The following PIK3R6 variants were observed in gnomAD, a reference collection of about 807,000 sequenced individuals.
PIK3R6 encodes the protein phosphoinositide 3-kinase regulatory subunit 6.
PIK3R6 carries 91 observed loss-of-function variants against 84.9 expected under a neutral mutation model. The observed-to-expected ratio is 1.07, with a 90% CI of 0.90 to 1.28. The LOEUF is 1.28. Among genes scored for constraint, PIK3R6 ranks in the 50% most tolerant of loss-of-function variants. The pLI is 0.00. For missense variants in PIK3R6, 996 were observed against 985.1 expected (o/e 1.01, Z -0.15); for synonymous variants, 416 against 411.4 (o/e 1.01, Z -0.13).
chr17:8,829,890 G>GTCCCTGCCACCTCTCTAA, intron 9 of PIK3R6, 98 bp from the exon 10 acceptor site: 4 of 925,284 alleles, frequency 4.3e-6, no homozygotes, highest in Non-Finnish European at 6.4e-6. Context: ...GTCTTAGAGA[G>GTCCCTGCCACCTCTCTAA]GTGGCAGGGA....
chr17:8,816,691 T>G (rs954583528), intron 18 of PIK3R6, among the ~76,000 whole-genome samples: 8 of 152,198 alleles, frequency 5.3e-5, no homozygotes, highest in African/African-American at 1.9e-4. Context: ...GTATTCAATT[T>G]CACTAATTGG....
chr17:8,828,268 C>T, intron 11 of PIK3R6, 78 bp from the exon 12 acceptor site: 1 of 1,457,618 alleles, frequency 6.9e-7, no homozygotes, highest in African/African-American at 1.4e-5. Flanking sequence ...TATTTGTTAT[C>T]TCTTGACCTT....
intron 8 of PIK3R6, among the ~76,000 whole-genome samples, chr17:8,833,448 T>G (rs1423116684): frequency 6.6e-6 from 1 of 152,082 alleles, no homozygotes. Flanking sequence ...GCACTTAGAA[T>G]AGCTCACTGC....
intron 9 of PIK3R6, among the ~76,000 whole-genome samples, chr17:8,830,617 C>T (rs1435325268): frequency 6.6e-6 from 1 of 152,134 alleles, no homozygotes; most frequent in East Asian, 1.9e-4. Flanking sequence ...TGCCAATGGC[C>T]CTGGGCAACA....
chr17:8,810,070 C>T (rs544903145), intron 18 of PIK3R6, among the ~76,000 whole-genome samples: 14 of 151,914 alleles, frequency 9.2e-5, no homozygotes, highest in African/African-American at 2.2e-4. Context: ...TAAAGACATA[C>T]CTGAGACTGG....
chr17:8,857,458 A>AC (rs1043332388), intron 1 of PIK3R6, among the ~76,000 whole-genome samples: 1 of 139,542 alleles, frequency 7.2e-6, no homozygotes, highest in Non-Finnish European at 1.6e-5. Context: ...ACCTCACAGA[A>AC]CCCCCCTCTG....
At chr17:8,834,950 G>A (rs2088401099) in intron 8 of PIK3R6, among the ~76,000 whole-genome samples, 1 of 152,018 alleles carries the variant, frequency 6.6e-6, no homozygotes, top group African/African-American at 2.4e-5. Context: ...CTATTCTCCT[G>A]CCTCAGCCTC....
intron 8 of PIK3R6, among the ~76,000 whole-genome samples, chr17:8,833,573 G>A (rs992686021): frequency 1.3e-4 from 17 of 132,918 alleles, no homozygotes; most frequent in African/African-American, 4.6e-4. Flanking sequence ...ACGGAGTCTT[G>A]CTCTGTCACC....
rs1358982288 is a variant in PIK3R6 at position 8,803,250 on chromosome 17, C to G, written c.*23G>C. 1.2e-6 allele frequency: 2 copies of G among 1,611,568 alleles called. No homozygotes were observed. Among genetic ancestry groups the G allele is most frequent in the Non-Finnish European group, 1.7e-6 (2 of 1,179,546 alleles). On this transcript the variant is annotated 3_prime_UTR_variant, in exon 20 of 20. Transcript: ENST00000619866. The surrounding 1 kb of genome is among the most constrained non-coding windows in gnomAD (Gnocchi z 5.0). ...TTGGTGGGGTAGTGTATCCTTCCTC[C>G]TGGGCCTGCTGTCCCTGCAGGCTCA... is the stretch of plus-strand genomic sequence containing the variant.
intron 9 of PIK3R6, among the ~76,000 whole-genome samples, chr17:8,830,030 C>T (rs969199010): frequency 1.3e-5 from 2 of 152,224 alleles, no homozygotes; most frequent in African/African-American, 4.8e-5. Context: ...CTAGCTCAAC[C>T]CTTAGGGGGT....
chr17:8,829,704 A>T lies in PIK3R6; in HGVS notation c.889+2T>A. The stretch of plus-strand genomic sequence containing the variant: ...TTTCCAGACAGCTCCATGGGCACGT[A>T]CAGAGCTGCTCCTCACCGGTCCACA... On this transcript the variant is annotated splice_donor_variant, in intron 10 of 19. Transcript: ENST00000619866. LOFTEE classifies it high-confidence loss of function. The T allele has an allele frequency of 6.4e-7, 1 of 1,552,270 alleles. No homozygotes were observed. The highest frequency in any genetic ancestry group is 8.7e-7 in the Non-Finnish European group (1 of 1,147,410).
Position 8,816,554 on chromosome 17 carries a change from G to A in PIK3R6, c.1995+2529C>T, listed in dbSNP as rs190633441. On this transcript the variant is annotated intron_variant, in intron 18 of 19. Coordinates refer to ENST00000619866, the MANE Select transcript of PIK3R6 (RefSeq NM_001010855.4). ...TTAAAAAAGCATCAAAAGACAAAGC[G>A]GGAAAAGTATTTCCAAAATTTATGA... is the stretch of plus-strand genomic sequence containing the variant. 2.0e-3 allele frequency among the ~76,000 whole-genome samples: 302 copies of A among 152,222 alleles called. 5 individuals are homozygous for A. The highest frequency in any genetic ancestry group is 0.019 in the Admixed American group (285 of 15,294).
chr17:8,818,999 C>T (rs995464536), intron 18 of PIK3R6, 84 bp downstream of exon 18: 1 of 1,025,388 alleles, frequency 9.8e-7, no homozygotes, highest in African/African-American at 1.6e-5. Flanking sequence ...GTTCCCTTCT[C>T]TGAATGCCCT....
In PIK3R6 at chr17:8,832,348, G is replaced by A. The variant is rs935075541; in HGVS notation, c.802+541C>T. Among the ~76,000 whole-genome samples the A allele has an allele frequency of 2.7e-5, 4 of 150,104 alleles. 1 individual carries two copies. The East Asian group carries it at 5.8e-4, about 22-fold the overall frequency. ...TAGTAGGGGCTCTGTGGGCATCGGC[G>A]GTTATCATGACCAAATTACCCACCT... On this transcript the variant is annotated intron_variant, in intron 9 of 19. Transcript: ENST00000619866.
intron 1 of PIK3R6, among the ~76,000 whole-genome samples, chr17:8,852,925 G>A (rs1360864596): frequency 1.3e-5 from 2 of 151,798 alleles, no homozygotes; most frequent in African/African-American, 2.4e-5. Flanking sequence ...ATACTTTTTT[G>A]TCTAAGCAAT....
intron 14 of PIK3R6, 66 bp from the exon 15 acceptor site, chr17:8,823,152 C>A: frequency 7.9e-7 from 1 of 1,263,604 alleles, no homozygotes; most frequent in South Asian, 1.2e-5. Flanking sequence ...CCCTGATTTC[C>A]AGGGATCCAG....
intron 1 of PIK3R6, among the ~76,000 whole-genome samples, chr17:8,859,131 C>A (rs918391229): frequency 6.6e-6 from 1 of 152,232 alleles, no homozygotes; most frequent in Non-Finnish European, 1.5e-5. Flanking sequence ...GGACTTGCAA[C>A]TTCTATTTGC....
intron 13 of PIK3R6, among the ~76,000 whole-genome samples, chr17:8,826,516 C>T (rs935781740): frequency 6.6e-6 from 1 of 152,140 alleles, no homozygotes; most frequent in African/African-American, 2.4e-5. Flanking sequence ...TCTCAGCAAA[C>T]TAACATAGGA....
chr17:8,860,989 G>A (rs768316059), intron 1 of PIK3R6, among the ~76,000 whole-genome samples: 2 of 152,174 alleles, frequency 1.3e-5, no homozygotes, highest in African/African-American at 2.4e-5. Flanking sequence ...AAGGTCAGGA[G>A]TTCAAGACCA....
Sources: gnomAD v4.1 joint callset for allele counts (sites outside exome capture counted in the v4.1 genomes callset) on GRCh38, gnomAD v4.1.1 for gene constraint, Gnocchi (gnomAD v3.1) non-coding constraint, MANE v1.5 for transcripts, NCBI Gene and HGNC (gene_info 2026-07-23, HGNC 2026-07-21) for gene names.